SCUBE1: variants seen among roughly 807,000 people sequenced by gnomAD.
SCUBE1 encodes the protein signal peptide, CUB and EGF-like domain-containing protein 1.
Under a neutral mutation model 124.4 loss-of-function variants are expected in SCUBE1, and 59 were observed. The ratio of observed to expected loss-of-function variants is 0.47; its 90% CI spans 0.38 to 0.59. SCUBE1 has a LOEUF of 0.59. SCUBE1 is among the 20% of genes least tolerant of loss of function. The probability of loss-of-function intolerance (pLI) is 0.00; values close to 1 mark genes in which losing one functional copy is unlikely to be tolerated. For missense variants in SCUBE1, 1,150 were observed against 1,371.2 expected, an observed-to-expected ratio of 0.84 and a Z score of 2.55; for synonymous variants, 545 against 550.9, an observed-to-expected ratio of 0.99 and a Z score of 0.15.
In SCUBE1 at chr22:43,223,837, G is replaced by A. The variant is rs528997118; in HGVS notation, c.1208-621C>T. Reference sequence around the variant, plus strand: ...AAGCCACCTCATGAGTGACAGCCTCGCACTCTGGTCAGTCATCAATGTGGA... The same window carrying A: ...AAGCCACCTCATGAGTGACAGCCTCACACTCTGGTCAGTCATCAATGTGGA... On this transcript the variant is annotated intron_variant, in intron 10 of 21. Transcript: ENST00000360835. Among the ~76,000 whole-genome samples the A allele has an allele frequency of 3.3e-5, 5 of 152,270 alleles. No individual in the cohort carries two copies. In the South Asian group the frequency reaches 6.2e-4, roughly 19 times the overall value.
intron 4 of SCUBE1, 36 bp from the exon 5 acceptor site, chr22:43,262,881 C>A (rs763931180): frequency 6.3e-7 from 1 of 1,594,700 alleles, no homozygotes; most frequent in African/African-American, 1.3e-5. Context: ...GGGTTGAAGA[C>A]CAGGCAGAGA....
At chr22:43,231,469 C>T (rs569425399) in intron 8 of SCUBE1, among the ~76,000 whole-genome samples, 3 of 152,338 alleles carry the variant, frequency 2.0e-5, no homozygotes, top group South Asian at 2.1e-4. Context: ...CTGGGAGGCC[C>T]GTGGGCCACC....
chr22:43,218,868 C>A (rs1413819683), intron 14 of SCUBE1, among the ~76,000 whole-genome samples: 1 of 152,234 alleles, frequency 6.6e-6, no homozygotes, highest in Non-Finnish European at 1.5e-5. Flanking sequence ...CCAGCCTCAT[C>A]CCCTCCACTC....
chr22:43,254,218 C>T (rs1923569573), intron 6 of SCUBE1, among the ~76,000 whole-genome samples: 1 of 152,226 alleles, frequency 6.6e-6, no homozygotes, highest in South Asian at 2.1e-4. Flanking sequence ...ATCTCTCTGG[C>T]CCTTACTCTT....
chr22:43,283,845 C>A (rs1163183242), intron 4 of SCUBE1: 1 of 152,260 alleles, frequency 6.6e-6, no homozygotes, highest in Non-Finnish European at 1.5e-5. Context: ...ATTGTTTTGA[C>A]TCTAGTTATC....
intron 6 of SCUBE1, among the ~76,000 whole-genome samples, chr22:43,241,224 A>G (rs910238761): frequency 6.6e-6 from 1 of 152,100 alleles, no homozygotes; most frequent in Non-Finnish European, 1.5e-5. Flanking sequence ...TGTAAACATC[A>G]GGCTTTGAAC....
At chr22:43,260,437 G>A (rs527259294) in intron 5 of SCUBE1, among the ~76,000 whole-genome samples, 8 of 152,332 alleles carry the variant, frequency 5.3e-5, no homozygotes, top group East Asian at 1.9e-4. Flanking sequence ...GGCTCTGGAC[G>A]GATGACAGCT....
intron 21 of SCUBE1, among the ~76,000 whole-genome samples, chr22:43,205,808 A>G (rs866450480): frequency 3.3e-4 from 21 of 63,242 alleles, no homozygotes; most frequent in African/African-American, 1.5e-3. Flanking sequence ...CACACCACAC[A>G]CCCACTCACC....
intron 4 of SCUBE1, among the ~76,000 whole-genome samples, chr22:43,289,056 A>G (rs1425227088): frequency 6.6e-6 from 1 of 152,202 alleles, no homozygotes; most frequent in East Asian, 1.9e-4. Context: ...CAGGGGCCTC[A>G]GCTCCACCTG....
chr22:43,262,924 A>G (rs1279818499), intron 4 of SCUBE1, 79 bp from the exon 5 acceptor site: 1 of 1,487,034 alleles, frequency 6.7e-7, no homozygotes, highest in African/African-American at 1.4e-5. Flanking sequence ...GAAAGGGGAT[A>G]GCCAATGATA....
At chr22:43,335,178 T>A (rs545027986) in intron 2 of SCUBE1, among the ~76,000 whole-genome samples, 3 of 152,206 alleles carry the variant, frequency 2.0e-5, no homozygotes, top group Admixed American at 2.0e-4. Context: ...CCCAGCTCCC[T>A]CAGGCCACTG....
At chr22:43,315,756 GGA>G (rs1404166635) in intron 3 of SCUBE1, among the ~76,000 whole-genome samples, 3 of 151,780 alleles carry the variant, frequency 2.0e-5, no homozygotes, top group African/African-American at 7.3e-5. Flanking sequence ...GTGGGGCGGG[GGA>G]GGGGGGGAAC....
chr22:43,231,889 G>A lies in SCUBE1; in HGVS notation c.845-14C>T. ...ACTCGTTGATGTCTGTGGGAGCCAA[G>A]GGGGATGGAGGAGTGAGAGCCAGGA... On this transcript the variant is annotated splice_polypyrimidine_tract_variant and intron_variant, in intron 7 of 21. Transcript: ENST00000360835. 6.2e-7 allele frequency: 1 copy of A among 1,610,788 alleles called. No individual in the cohort carries two copies. Among genetic ancestry groups the A allele is most frequent in the Non-Finnish European group, 8.5e-7 (1 of 1,177,410 alleles).
chr22:43,325,444 TAAA>T (rs35598383), intron 2 of SCUBE1, among the ~76,000 whole-genome samples: 1 of 89,492 alleles, frequency 1.1e-5, no homozygotes, highest in Non-Finnish European at 2.0e-5. Flanking sequence ...ACTCCGTCTT[TAAA>T]AAAAAAAAAA....
intron 3 of SCUBE1, among the ~76,000 whole-genome samples, chr22:43,316,312 C>T (rs562290674): frequency 6.6e-6 from 1 of 152,322 alleles, no homozygotes; most frequent in South Asian, 2.1e-4. Context: ...ACTGGCAGTT[C>T]CCAAGGTCTC....
At chr22:43,238,559 G>A (rs1922863476) in intron 7 of SCUBE1, 1 of 601,040 alleles carries the variant, frequency 1.7e-6, no homozygotes, top group Non-Finnish European at 3.0e-6. Context: ...AACCCAGCGT[G>A]CAGCCAAATT....
chr22:43,235,121 G>A (rs1262311146), intron 7 of SCUBE1, among the ~76,000 whole-genome samples: 1 of 152,196 alleles, frequency 6.6e-6, no homozygotes, highest in African/African-American at 2.4e-5. Flanking sequence ...CCCAGCGTGA[G>A]TGTCTAGGAA....
chr22:43,288,581 C>T (rs1030002863), intron 4 of SCUBE1, among the ~76,000 whole-genome samples: 6 of 152,222 alleles, frequency 3.9e-5, no homozygotes, highest in African/African-American at 9.6e-5. Flanking sequence ...GGCCTTTGCA[C>T]GCGCCCAGCC....
At chr22:43,225,978 A>G (rs1441089582) in intron 10 of SCUBE1, among the ~76,000 whole-genome samples, 3 of 152,248 alleles carry the variant, frequency 2.0e-5, no homozygotes, top group Non-Finnish European at 4.4e-5. Context: ...GACTTTGTTC[A>G]GTGAGACTTT....
Sources: allele counts gnomAD v4.1 joint callset (sites outside exome capture counted in the v4.1 genomes callset), GRCh38; gene constraint gnomAD v4.1.1; transcripts MANE v1.5; gene names NCBI Gene and HGNC (gene_info 2026-07-23, HGNC 2026-07-21).